The following TMTC4 variants were observed in gnomAD, a reference collection of about 807,000 sequenced individuals.
TMTC4 encodes the protein protein O-mannosyl-transferase TMTC4.
In TMTC4, 65 loss-of-function variants were observed where a neutral mutation model predicts 86.0. The ratio of observed to expected loss-of-function variants is 0.76; its 90% CI spans 0.62 to 0.93. The LOEUF is 0.93. Ranked by LOEUF, TMTC4 falls within the 40% of genes least tolerant of loss-of-function variation. The pLI, the probability that TMTC4 is intolerant of heterozygous loss-of-function variation, is 0.00. For synonymous variants in TMTC4, 379 were observed against 382.5 expected (o/e 0.99, Z 0.11); for missense variants, 866 against 948.1 (o/e 0.91, Z 1.14).
chr13:100,674,671 C>T (rs1477541128), intron 1 of TMTC4, 73 bp downstream of exon 1: 3 of 982,954 alleles, frequency 3.1e-6, no homozygotes, highest in Admixed American at 1.2e-4. Context: ...GCGGGGAACC[C>T]GCGCCCGCTC....
At position 100,618,451 on chromosome 13, in the gene TMTC4, C is replaced by CTTT. The variant is rs1204044849; in HGVS notation, c.1837-4022_1837-4021insAAA. ...GAATGCTTCCAGATTTTTGTTGCTT[C>CTTT]TTGTTTTTTTTTTTTTTTTAATCTC... On this transcript the variant is annotated intron_variant, in intron 15 of 18. Coordinates refer to ENST00000342624, the MANE Select transcript of TMTC4 (RefSeq NM_032813.5). Among the ~76,000 whole-genome samples the CTTT allele has an allele frequency of 1.2e-4, 10 of 82,410 alleles. 2 individuals are homozygous for CTTT. Among genetic ancestry groups the CTTT allele is most frequent in the East Asian group, 1.0e-3 (3 of 2,892 alleles). The allele number at this position is 82,410 out of a possible 152,430, so 54.1% of individuals were successfully genotyped here. A position where few individuals can be genotyped will look rare whatever the true frequency, so the allele number is the denominator to read the frequency against.
At chr13:100,618,472 A>ATC (rs1199273283) in intron 15 of TMTC4, among the ~76,000 whole-genome samples, 3 of 119,618 alleles carry the variant, frequency 2.5e-5, no homozygotes, top group Non-Finnish European at 5.3e-5. Flanking sequence ...TTTTTTTTTA[A>ATC]TCTCTCTCTC....
chr13:100,621,180 A>C (rs1879413671), intron 15 of TMTC4, among the ~76,000 whole-genome samples: 1 of 152,234 alleles, frequency 6.6e-6, no homozygotes, highest in South Asian at 2.1e-4. Flanking sequence ...CTGGTACTTT[A>C]TATTCTCCGT....
chr13:100,648,838 C>T (rs2138953831), intron 6 of TMTC4, among the ~76,000 whole-genome samples: 1 of 152,238 alleles, frequency 6.6e-6, no homozygotes. Flanking sequence ...TGCCACCAGG[C>T]CTGGCTAATT....
At chr13:100,664,418 G>T in intron 3 of TMTC4, 82 bp from the exon 4 acceptor site, 1 of 969,980 alleles carries the variant, frequency 1.0e-6, no homozygotes, top group Non-Finnish European at 1.5e-6. Context: ...CACCTGGGAT[G>T]CAGTCAGGCC....
intron 17 of TMTC4, among the ~76,000 whole-genome samples, chr13:100,609,981 G>A (rs1156645522): frequency 6.6e-6 from 1 of 152,054 alleles, no homozygotes; most frequent in Non-Finnish European, 1.5e-5. Flanking sequence ...AACGTTTCAG[G>A]GCCAAATGAG....
At chr13:100,638,354 T>G (rs1311702918) in intron 7 of TMTC4, 2 of 224,094 alleles carry the variant, frequency 8.9e-6, no homozygotes, top group African/African-American at 4.6e-5. Context: ...CTTTTTTTGG[T>G]CACTATAAAA....
At chr13:100,633,095 C>T (rs61969117) in intron 12 of TMTC4, among the ~76,000 whole-genome samples, 27,964 of 151,846 alleles carry the variant, frequency 0.18, 2,865 homozygotes, top group Admixed American at 0.24. Flanking sequence ...GGGCGAATCA[C>T]GAGGTCAGGA....
intron 1 of TMTC4, chr13:100,673,902 C>T (rs1432846402): frequency 4.2e-6 from 2 of 470,644 alleles, no homozygotes; most frequent in Non-Finnish European, 5.6e-6. Flanking sequence ...ATAACTGTTT[C>T]TCAAGACATT....
chr13:100,641,317 G>A (rs1039478268), intron 7 of TMTC4, among the ~76,000 whole-genome samples: 1 of 152,172 alleles, frequency 6.6e-6, no homozygotes, highest in Non-Finnish European at 1.5e-5. Flanking sequence ...TTGTGACCAT[G>A]GAACACTTTG....
intron 6 of TMTC4, among the ~76,000 whole-genome samples, chr13:100,649,794 T>C (rs55991542): frequency 6.6e-6 from 1 of 151,026 alleles, no homozygotes; most frequent in African/African-American, 2.4e-5. Context: ...AATAAATAAA[T>C]AAAAATTACT....
intron 12 of TMTC4, among the ~76,000 whole-genome samples, chr13:100,630,224 G>A (rs933813636): frequency 5.9e-5 from 9 of 152,084 alleles, no homozygotes; most frequent in African/African-American, 2.2e-4. Context: ...TTAACCTACA[G>A]TTACAGCACT....
Position 100,625,840 on chromosome 13 carries a change from C to A in TMTC4, c.1639G>T (p.Glu547Ter), listed in dbSNP as rs372414613. ...TCAGCTTCCTGTAGCTCATTCCTTT[C>A]TTTTAAGATATTTCCAAGATTATTC... ...AMNNLGNILK[E>*]RNELQEAEEL... Residue 547 changes from glutamate (E) to a stop codon, truncating the protein, a stop_gained, in exon 14 of 19, where the codon GAA (glutamate) becomes TAA (stop). Transcript: ENST00000342624. LOFTEE classifies it high-confidence loss of function. The A allele has an allele frequency of 6.2e-7, 1 of 1,613,798 alleles. No homozygotes were observed. The highest frequency in any genetic ancestry group is 1.3e-5 in the African/African-American group (1 of 75,038).
At chr13:100,668,372 G>T in intron 3 of TMTC4, 1 of 576,382 alleles carries the variant, frequency 1.7e-6, no homozygotes, top group Non-Finnish European at 3.1e-6. Flanking sequence ...CTGAGCTGAG[G>T]CAGGGGTTCA....
In TMTC4 at chr13:100,620,828, A is replaced by AAAACAAAC. The variant is rs140760914; in HGVS notation, c.1836+4699_1836+4706dup. Among the ~76,000 whole-genome samples the AAAACAAAC allele has an allele frequency of 1.5e-3, 229 of 152,224 alleles. 3 individuals are homozygous for AAAACAAAC. The highest frequency in any genetic ancestry group is 5.2e-3 in the African/African-American group (216 of 41,520). On this transcript the variant is annotated intron_variant, in intron 15 of 18. Coordinates refer to ENST00000342624, the MANE Select transcript of TMTC4 (RefSeq NM_032813.5). ...TCCTGTTACTAGAGAGTGATTTCTT[A>AAAACAAAC]AAACAAACAAACAAACAAACAAACA...
At chr13:100,624,940 T>C (rs1880214346) in intron 15 of TMTC4, 1 of 152,404 alleles carries the variant, frequency 6.6e-6, no homozygotes, top group Admixed American at 6.5e-5. Flanking sequence ...GTCAAGAAAA[T>C]CAAGAGCAAT....
chr13:100,655,557 G>A (rs1028688845), intron 6 of TMTC4, among the ~76,000 whole-genome samples: 3 of 152,192 alleles, frequency 2.0e-5, no homozygotes, highest in African/African-American at 7.2e-5. Context: ...AACCTCGCCA[G>A]GTCTCTGGCG....
intron 9 of TMTC4, among the ~76,000 whole-genome samples, chr13:100,637,010 T>A (rs1296346260): frequency 6.6e-5 from 10 of 152,222 alleles, no homozygotes; most frequent in African/African-American, 2.4e-4. Flanking sequence ...ATTTGCTGCC[T>A]GAAGCCTGTG....
At chr13:100,616,353 C>CGTGTGT (rs879258820) in intron 15 of TMTC4, among the ~76,000 whole-genome samples, 19 of 151,930 alleles carry the variant, frequency 1.3e-4, no homozygotes, top group Non-Finnish European at 2.7e-4. Context: ...CAGGCGCCCA[C>CGTGTGT]CACCATGCCC....
Sources: gnomAD v4.1 joint callset for allele counts (sites outside exome capture counted in the v4.1 genomes callset) on GRCh38, gnomAD v4.1.1 for gene constraint, MANE v1.5 for transcripts, NCBI Gene and HGNC (gene_info 2026-07-23, HGNC 2026-07-21) for gene names.